COL24A1: variants seen among roughly 807,000 people sequenced by gnomAD.
COL24A1 encodes the protein collagen alpha-1(XXIV) chain.
A neutral mutation model predicts 253.9 loss-of-function variants in COL24A1; 224 were observed. The observed-to-expected ratio is 0.88, with a 90% CI of 0.79 to 0.99. The LOEUF (loss-of-function observed/expected upper bound fraction) is 0.99. Among genes scored for constraint, COL24A1 ranks in the 50% least tolerant of loss-of-function variants. The pLI is 0.00. For synonymous variants in COL24A1, 685 were observed against 673.7 expected (o/e 1.02, Z -0.26); for missense variants, 2,131 against 2,068.5 (o/e 1.03, Z -0.59).
chr1:86,134,711 A>G (rs555260595), intron 2 of COL24A1, among the ~76,000 whole-genome samples: 69 of 64,250 alleles, frequency 1.1e-3, no homozygotes, highest in African/African-American at 3.4e-3. Context: ...GTGGCCTGAG[A>G]GACAATTTGT....
intron 24 of COL24A1, among the ~76,000 whole-genome samples, chr1:85,913,486 C>T (rs901985073): frequency 6.6e-6 from 1 of 152,092 alleles, no homozygotes. Flanking sequence ...TGTTTCTGCC[C>T]ATGCTCTGCT....
chr1:85,742,465 G>A (rs576706813), intron 57 of COL24A1, among the ~76,000 whole-genome samples: 1 of 152,176 alleles, frequency 6.6e-6, no homozygotes, highest in South Asian at 2.1e-4. Flanking sequence ...TACTATCTAT[G>A]TAGTCTTAAG....
At chr1:86,076,004 C>T (rs963343737) in intron 7 of COL24A1, among the ~76,000 whole-genome samples, 2 of 152,202 alleles carry the variant, frequency 1.3e-5, no homozygotes, top group African/African-American at 4.8e-5. Context: ...TGCCCTCTCT[C>T]ACCACTTCTA....
intron 20 of COL24A1, among the ~76,000 whole-genome samples, chr1:85,981,016 G>A (rs1693204027): frequency 6.6e-6 from 1 of 152,164 alleles, no homozygotes; most frequent in Admixed American, 6.5e-5. Flanking sequence ...TAAGCAAATG[G>A]AAACATATCC....
chr1:85,862,817 G>C (rs552411372), intron 37 of COL24A1, among the ~76,000 whole-genome samples: 5 of 152,234 alleles, frequency 3.3e-5, no homozygotes, highest in African/African-American at 1.2e-4. Flanking sequence ...TGTTTCCAAG[G>C]AAACTATGTT....
At chr1:85,881,411 G>T (rs1192835194) in intron 32 of COL24A1, among the ~76,000 whole-genome samples, 1 of 151,870 alleles carries the variant, frequency 6.6e-6, no homozygotes, top group Non-Finnish European at 1.5e-5. Context: ...GAGGTCAGGA[G>T]TTTGAGACCA....
At chr1:86,097,455 CTCTT>C (rs1703999425) in intron 5 of COL24A1, among the ~76,000 whole-genome samples, 1 of 86,036 alleles carries the variant, frequency 1.2e-5, no homozygotes, top group Non-Finnish European at 2.5e-5. Flanking sequence ...CTCCCCCCTC[CTCTT>C]CCTCCCTCCT....
chr1:85,761,694 T>A, intron 53 of COL24A1, 128 bp from the exon 54 acceptor site: 2 of 863,468 alleles, frequency 2.3e-6, no homozygotes, highest in East Asian at 5.2e-5. Context: ...TAAAATTGTT[T>A]TAGTATTCTA....
chr1:85,872,477 T>C (rs1680637247), intron 35 of COL24A1, among the ~76,000 whole-genome samples: 1 of 151,772 alleles, frequency 6.6e-6, no homozygotes, highest in African/African-American at 2.4e-5. Context: ...AAACAGCTGG[T>C]ACCAAAACAG....
At chr1:85,816,965 T>A in intron 46 of COL24A1, 70 bp from the exon 47 acceptor site, 3 of 1,142,486 alleles carry the variant, frequency 2.6e-6, no homozygotes, top group Non-Finnish European at 3.9e-6. Context: ...TACTTTTTTA[T>A]TTATTGAGCT....
intron 55 of COL24A1, among the ~76,000 whole-genome samples, chr1:85,747,560 A>T (rs1428301630): frequency 6.6e-6 from 1 of 152,172 alleles, no homozygotes; most frequent in African/African-American, 2.4e-5. Flanking sequence ...AAAAAAATTA[A>T]TGAGAAGGGT....
chr1:85,875,421 G>T, intron 33 of COL24A1, 91 bp from the exon 34 acceptor site: 1 of 934,228 alleles, frequency 1.1e-6, no homozygotes, highest in Non-Finnish European at 1.7e-6. Context: ...AGATACCTGT[G>T]TCCAAAAGGG....
At chr1:85,955,119 G>A (rs927355604) in intron 24 of COL24A1, among the ~76,000 whole-genome samples, 1 of 152,176 alleles carries the variant, frequency 6.6e-6, no homozygotes, top group Non-Finnish European at 1.5e-5. Context: ...ACACAAATGG[G>A]TGGATGATAA....
intron 32 of COL24A1, among the ~76,000 whole-genome samples, chr1:85,885,805 A>G (rs1249728560): frequency 1.3e-5 from 2 of 152,104 alleles, no homozygotes; most frequent in Non-Finnish European, 2.9e-5. Context: ...TTTCAGAAGT[A>G]TTTTTTGTAT....
At chr1:85,848,257 T>C (rs1200643317) in intron 38 of COL24A1, among the ~76,000 whole-genome samples, 2 of 152,174 alleles carry the variant, frequency 1.3e-5, no homozygotes, top group Non-Finnish European at 1.5e-5. Context: ...ACTTTACATC[T>C]TTCAGAAAAC....
intron 28 of COL24A1, among the ~76,000 whole-genome samples, chr1:85,902,638 G>A (rs1051324974): frequency 1.3e-5 from 2 of 152,116 alleles, no homozygotes; most frequent in African/African-American, 4.8e-5. Flanking sequence ...AGCCCACTGA[G>A]GGCTAAAATG....
At chr1:86,035,598 A>G (rs180889695) in intron 12 of COL24A1, among the ~76,000 whole-genome samples, 101 of 152,120 alleles carry the variant, frequency 6.6e-4, no homozygotes, top group African/African-American at 2.2e-3. Flanking sequence ...GTGATTCCTA[A>G]TGAGTACAGG....
chr1:86,017,465 G>A (rs648355), intron 18 of COL24A1, among the ~76,000 whole-genome samples: 47,176 of 151,830 alleles, frequency 0.31, 7,808 homozygotes, highest in Middle Eastern at 0.51. Context: ...ATCAAGAAAA[G>A]AATTGTATGT....
intron 2 of COL24A1, among the ~76,000 whole-genome samples, chr1:86,131,697 T>G (rs911550524): frequency 6.6e-6 from 1 of 152,136 alleles, no homozygotes; most frequent in Non-Finnish European, 1.5e-5. Context: ...GAACTCATCA[T>G]TTTTTATGGC....
Sources: allele counts gnomAD v4.1 joint callset (sites outside exome capture counted in the v4.1 genomes callset), GRCh38; gene constraint gnomAD v4.1.1; transcripts MANE v1.5; gene names NCBI Gene and HGNC (gene_info 2026-07-23, HGNC 2026-07-21).